Variants in CDH13 observed in about 807,000 individuals in gnomAD.
CDH13 encodes cadherin 13.
In CDH13, 24 loss-of-function variants were observed where a neutral mutation model predicts 63.8. The ratio of observed to expected loss-of-function variants is 0.38; its 90% confidence interval spans 0.27 to 0.53. CDH13 has a LOEUF of 0.53. Ranked by LOEUF, CDH13 falls within the 20% of genes least tolerant of loss-of-function variation. The pLI is 0.85. For synonymous variants in CDH13, 503 were observed against 355.3 expected (o/e 1.42, Z -4.67); for missense variants, 1,049 against 903.1 (o/e 1.16, Z -2.07).
intron 6 of CDH13, among the ~76,000 whole-genome samples, chr16:83,419,210 A>T (rs1207649605): frequency 3.9e-5 from 6 of 152,114 alleles, no homozygotes; most frequent in Non-Finnish European, 8.8e-5. Flanking sequence ...CTCTGTAACC[A>T]GATTTTTGAG....
At chr16:82,999,030 A>G (rs533304727) in intron 2 of CDH13, among the ~76,000 whole-genome samples, 1 of 151,946 alleles carries the variant, frequency 6.6e-6, no homozygotes, top group South Asian at 2.1e-4. Context: ...AGACACCAAA[A>G]CGCGTATTCT....
At chr16:83,032,356 A>G in intron 3 of CDH13, 138 bp downstream of exon 3, 4 of 692,562 alleles carry the variant, frequency 5.8e-6, no homozygotes, top group East Asian at 5.5e-5. Context: ...CAGAAATCCA[A>G]CTCTAAAAAT....
chr16:83,368,235 A>T (rs1021580748), intron 6 of CDH13, among the ~76,000 whole-genome samples: 1 of 152,192 alleles, frequency 6.6e-6, no homozygotes, highest in Non-Finnish European at 1.5e-5. Flanking sequence ...CAACATTCAT[A>T]TTCTGTTTGT....
At chr16:83,670,309 A>G (rs1914388746) in intron 8 of CDH13, among the ~76,000 whole-genome samples, 1 of 152,194 alleles carries the variant, frequency 6.6e-6, no homozygotes, top group South Asian at 2.1e-4. Flanking sequence ...ACAAATGCAA[A>G]CAAAAATGGC....
intron 1 of CDH13, among the ~76,000 whole-genome samples, chr16:82,830,786 G>A (rs941424360): frequency 5.3e-5 from 8 of 152,190 alleles, no homozygotes; most frequent in Admixed American, 1.3e-4. Context: ...AGTCTTACAT[G>A]CATATTACCA....
intron 5 of CDH13, among the ~76,000 whole-genome samples, chr16:83,232,565 A>AG (rs2040034463): frequency 6.6e-6 from 1 of 151,138 alleles, no homozygotes; most frequent in Non-Finnish European, 1.5e-5. Flanking sequence ...AAAAAAAAAA[A>AG]AAGTGTGGCA....
intron 1 of CDH13, among the ~76,000 whole-genome samples, chr16:82,664,803 A>G (rs896451505): frequency 2.0e-5 from 3 of 152,234 alleles, no homozygotes; most frequent in Non-Finnish European, 4.4e-5. Context: ...AACAACATCA[A>G]CGTAACTTGT....
chr16:82,965,201 C>T (rs961624329), intron 2 of CDH13, among the ~76,000 whole-genome samples: 4 of 152,216 alleles, frequency 2.6e-5, no homozygotes, highest in Non-Finnish European at 4.4e-5. Flanking sequence ...GTCTCGTTTT[C>T]CCACCAGAAA....
rs191165884 is a variant in CDH13, at chr16:83,051,955, T to A, written c.366+19737T>A. Among the ~76,000 whole-genome samples the A allele has an allele frequency of 2.0e-4, 30 of 152,306 alleles. No homozygotes were observed. The East Asian group carries it at 4.4e-3, about 23-fold the overall frequency. The stretch of plus-strand genomic sequence containing the variant: ...TTTAATTTTTTTTTTGTTGTTAACT[T>A]TGTCCTTGTTAACATTAATTCTCTC... On this transcript the variant is annotated intron_variant, in intron 3 of 13. Coordinates refer to ENST00000567109, the MANE Select transcript of CDH13 (RefSeq NM_001257.5).
intron 10 of CDH13, among the ~76,000 whole-genome samples, chr16:83,744,524 C>T (rs1449839200): frequency 6.6e-6 from 1 of 152,224 alleles, no homozygotes; most frequent in African/African-American, 2.4e-5. Context: ...CCGTTCTCCC[C>T]ATCTGTCCCC....
At chr16:82,915,158 G>A (rs184085993) in intron 2 of CDH13, among the ~76,000 whole-genome samples, 2 of 152,190 alleles carry the variant, frequency 1.3e-5, no homozygotes, top group Admixed American at 6.5e-5. Context: ...TAATTTGGTG[G>A]TTATAGCGCT....
Position 83,484,904 on chromosome 16 carries a change from C to T in CDH13, c.782-1573C>T, listed in dbSNP as rs181073335. ...TGCTACCTAGACCACTGTTTGAGAA[C>T]GCTGATTCCATGACAAGGTCAATGG... On this transcript the variant is annotated intron_variant, in intron 6 of 13. Coordinates refer to ENST00000567109, the MANE Select transcript of CDH13 (RefSeq NM_001257.5). Among the ~76,000 whole-genome samples, 34 of 152,308 alleles carry T rather than the reference C, an allele frequency of 2.2e-4. 1 individual carries two copies. Among genetic ancestry groups the T allele is most frequent in the Admixed American group, 1.4e-3 (22 of 15,294 alleles).
At chr16:82,737,668 CAG>C (rs2033739530) in intron 1 of CDH13, among the ~76,000 whole-genome samples, 1 of 152,222 alleles carries the variant, frequency 6.6e-6, no homozygotes, top group Non-Finnish European at 1.5e-5. Context: ...ACCCCAGACA[CAG>C]AGATTTGGCC....
intron 1 of CDH13, among the ~76,000 whole-genome samples, chr16:82,827,078 G>A (rs2038289815): frequency 1.3e-5 from 2 of 152,162 alleles, no homozygotes; most frequent in Non-Finnish European, 2.9e-5. Context: ...GACACATTTG[G>A]CCCATATCTT....
In CDH13 at chr16:82,632,580, A is replaced by G. The variant is rs150147957; in HGVS notation, c.45+5443A>G. ...TTGGTACAAAATGTCATCACGCACC[A>G]GCAGCCAAGGGACTCTGAAACCCTG... On this transcript the variant is annotated intron_variant, in intron 1 of 13. Transcript: ENST00000567109. Among the ~76,000 whole-genome samples the G allele has an allele frequency of 5.4e-4, 82 of 152,294 alleles. 1 individual carries two copies. In the East Asian group the frequency reaches 0.013, roughly 24 times the overall value.
At chr16:83,164,010 A>C (rs543491189) in intron 4 of CDH13, among the ~76,000 whole-genome samples, 1 of 152,256 alleles carries the variant, frequency 6.6e-6, no homozygotes, top group South Asian at 2.1e-4. Flanking sequence ...TATCTAATTT[A>C]ATAATCACAC....
chr16:83,123,465 G>A (rs1338245557), intron 3 of CDH13, among the ~76,000 whole-genome samples: 1 of 151,954 alleles, frequency 6.6e-6, no homozygotes, highest in East Asian at 1.9e-4. Flanking sequence ...TTTTAGTAGA[G>A]ACGAGGTTTC....
At chr16:83,498,382 A>G (rs1165306171) in intron 7 of CDH13, among the ~76,000 whole-genome samples, 2 of 152,194 alleles carry the variant, frequency 1.3e-5, no homozygotes, top group African/African-American at 4.8e-5. Flanking sequence ...GCCACCTGGA[A>G]ACAAAAAGAC....
At chr16:83,726,128 C>T (rs1411204566) in intron 10 of CDH13, 1 of 152,212 alleles carries the variant, frequency 6.6e-6, no homozygotes, top group Admixed American at 6.5e-5. Context: ...AATCTTCCCA[C>T]AAGGGATAAT....
Sources: allele counts gnomAD v4.1 joint callset (sites outside exome capture counted in the v4.1 genomes callset), GRCh38; gene constraint gnomAD v4.1.1; transcripts MANE v1.5; gene names NCBI Gene and HGNC (gene_info 2026-07-23, HGNC 2026-07-21).